Variants in EIF2B3 observed in about 807,000 individuals in gnomAD.
EIF2B3 encodes eukaryotic translation initiation factor 2B subunit gamma.
Under a neutral mutation model 54.1 loss-of-function variants are expected in EIF2B3, and 20 were observed. The ratio of observed to expected loss-of-function variants is 0.37; its 90% CI spans 0.26 to 0.54. EIF2B3 has a LOEUF of 0.54. Among genes scored for constraint, EIF2B3 ranks in the 20% least tolerant of loss-of-function variants. EIF2B3 has a pLI of 0.86. For missense variants in EIF2B3, 448 were observed against 547.8 expected, an observed-to-expected ratio of 0.82 and a Z score of 1.82; for synonymous variants, 153 against 188.1, an observed-to-expected ratio of 0.81 and a Z score of 1.52.
At chr1:44,851,096 C>T (rs1654253824) in intron 11 of EIF2B3, 93 bp from the exon 12 acceptor site, 1 of 1,273,636 alleles carries the variant, frequency 7.9e-7, no homozygotes, top group Non-Finnish European at 1.1e-6. Flanking sequence ...CCGAGTTTCG[C>T]TCTTGTCACC....
At chr1:44,984,973 A>C (rs894601697) in intron 1 of EIF2B3, among the ~76,000 whole-genome samples, 2 of 149,476 alleles carry the variant, frequency 1.3e-5, no homozygotes, top group Non-Finnish European at 3.0e-5. Context: ...CGCCCGGCTA[A>C]TTTTTTGTAT....
At chr1:44,942,376 T>TA (rs1430846622) in intron 3 of EIF2B3, among the ~76,000 whole-genome samples, 4 of 64,136 alleles carry the variant, frequency 6.2e-5, no homozygotes, top group Admixed American at 2.1e-4. Context: ...GCTTTCTGAT[T>TA]TTATATATAT....
At chr1:44,940,376 C>T (rs960858589) in intron 4 of EIF2B3, among the ~76,000 whole-genome samples, 1 of 151,922 alleles carries the variant, frequency 6.6e-6, no homozygotes, top group Non-Finnish European at 1.5e-5. Context: ...AAAATTTAAA[C>T]CCATAAAAGG....
At chr1:44,930,309 C>T (rs1412598078) in intron 4 of EIF2B3, among the ~76,000 whole-genome samples, 1 of 152,174 alleles carries the variant, frequency 6.6e-6, no homozygotes, top group Admixed American at 6.6e-5. Flanking sequence ...AAGGAACAGG[C>T]AAATTTACTC....
intron 3 of EIF2B3, chr1:44,958,758 CCAT>C: frequency 6.5e-7 from 1 of 1,529,024 alleles, no homozygotes; most frequent in East Asian, 2.3e-5. Flanking sequence ...AGAACTCAAT[CCAT>C]CAGAGAAATA....
intron 5 of EIF2B3, among the ~76,000 whole-genome samples, chr1:44,911,697 GTTTT>G (rs919494433): frequency 1.3e-5 from 2 of 151,960 alleles, no homozygotes; most frequent in Admixed American, 6.6e-5. Context: ...TTGTTTGTTT[GTTTT>G]GTTTTGTTTT....
chr1:44,866,119 C>T (rs1030684728), intron 10 of EIF2B3, among the ~76,000 whole-genome samples: 1 of 151,962 alleles, frequency 6.6e-6, no homozygotes, highest in Admixed American at 6.6e-5. Context: ...TATATTTAGC[C>T]AGGCATGGTG....
chr1:44,920,998 A>G (rs1219752929), intron 5 of EIF2B3, among the ~76,000 whole-genome samples: 1 of 152,210 alleles, frequency 6.6e-6, no homozygotes, highest in Non-Finnish European at 1.5e-5. Flanking sequence ...ACTAATTTAT[A>G]TTCCCATAAA....
At chr1:44,857,392 G>A (rs918893075) in intron 11 of EIF2B3, among the ~76,000 whole-genome samples, 5 of 152,134 alleles carry the variant, frequency 3.3e-5, no homozygotes, top group Non-Finnish European at 1.5e-5. Flanking sequence ...TTAGCTGGGC[G>A]TGGTGGCACA....
chr1:44,928,819 A>G (rs956165576), intron 4 of EIF2B3, among the ~76,000 whole-genome samples: 3 of 152,166 alleles, frequency 2.0e-5, no homozygotes, highest in Non-Finnish European at 4.4e-5. Context: ...ATACTTAATA[A>G]TATGTGCTAC....
At chr1:44,929,145 C>A (rs772399506) in intron 4 of EIF2B3, among the ~76,000 whole-genome samples, 1 of 152,092 alleles carries the variant, frequency 6.6e-6, no homozygotes, top group Non-Finnish European at 1.5e-5. Context: ...ACAAAATACA[C>A]CCTCTAATTT....
intron 6 of EIF2B3, among the ~76,000 whole-genome samples, chr1:44,887,755 A>G (rs189121565): frequency 3.9e-4 from 59 of 152,266 alleles, no homozygotes; most frequent in Middle Eastern, 3.4e-3. Context: ...AAGTACAAAA[A>G]TTAGCCAGCC....
chr1:44,980,296 C>G (rs1368059009), intron 2 of EIF2B3, among the ~76,000 whole-genome samples: 2 of 152,070 alleles, frequency 1.3e-5, no homozygotes, highest in Non-Finnish European at 2.9e-5. Flanking sequence ...AACCCTGTCT[C>G]TACTAAAAAT....
At chr1:44,969,336 T>C (rs540094460) in intron 3 of EIF2B3, among the ~76,000 whole-genome samples, 1 of 152,320 alleles carries the variant, frequency 6.6e-6, no homozygotes, top group African/African-American at 2.4e-5. Context: ...AAAACCTATA[T>C]ATCAAGAGAC....
At chr1:44,943,753 C>A (rs72885257) in intron 3 of EIF2B3, among the ~76,000 whole-genome samples, 1 of 151,992 alleles carries the variant, frequency 6.6e-6, no homozygotes. Context: ...ACTTTACCAA[C>A]GAAGAAACAG....
At chr1:44,925,376 T>A (rs529044734) in intron 5 of EIF2B3, 1 of 152,376 alleles carries the variant, frequency 6.6e-6, no homozygotes, top group East Asian at 1.9e-4. Context: ...AAATCCGTTA[T>A]ATGCTACGGC....
intron 5 of EIF2B3, among the ~76,000 whole-genome samples, chr1:44,908,195 A>C (rs1643450950): frequency 6.6e-6 from 1 of 152,168 alleles, no homozygotes; most frequent in African/African-American, 2.4e-5. Flanking sequence ...CTTCCAACAA[A>C]TTTACTGGGA....
intron 3 of EIF2B3, among the ~76,000 whole-genome samples, chr1:44,941,919 A>T (rs1466952592): frequency 6.6e-6 from 1 of 152,196 alleles, no homozygotes; most frequent in African/African-American, 2.4e-5. Flanking sequence ...CTGGAACCCT[A>T]GGTTCTAAGA....
At chr1:44,887,842 G>A (rs1170287479) in intron 6 of EIF2B3, among the ~76,000 whole-genome samples, 1 of 152,056 alleles carries the variant, frequency 6.6e-6, no homozygotes, top group Non-Finnish European at 1.5e-5. Context: ...AGGTTGCAGT[G>A]AGCTGAGATG....
Sources: allele counts gnomAD v4.1 joint callset (sites outside exome capture counted in the v4.1 genomes callset), GRCh38; gene constraint gnomAD v4.1.1; transcripts MANE v1.5; gene names NCBI Gene and HGNC (gene_info 2026-07-23, HGNC 2026-07-21).